CCDC85A: variants seen among roughly 807,000 people sequenced by gnomAD.
CCDC85A encodes coiled-coil domain containing 85A, also known as coiled-coil domain-containing protein 85A.
In CCDC85A, 38 loss-of-function variants were observed where a neutral mutation model predicts 50.2. The observed-to-expected ratio is 0.76, with a 90% CI of 0.58 to 0.99. The LOEUF (loss-of-function observed/expected upper bound fraction) is 0.99, where lower values mean the gene tolerates loss of function less well. Ranked by LOEUF, CCDC85A falls within the 50% of genes least tolerant of loss-of-function variation. CCDC85A has a pLI of 0.00. For missense variants in CCDC85A, 820 were observed against 742.0 expected, an observed-to-expected ratio of 1.11 and a Z score of -1.22; for synonymous variants, 366 against 301.4, an observed-to-expected ratio of 1.21 and a Z score of -2.22.
At chr2:56,202,480 G>A (rs1676786492) in intron 2 of CCDC85A, among the ~76,000 whole-genome samples, 1 of 152,142 alleles carries the variant, frequency 6.6e-6, no homozygotes, top group South Asian at 2.1e-4. Flanking sequence ...ATAGCCACTT[G>A]CATTCACAGC....
At chr2:56,371,438 T>G (rs1001143555) in intron 3 of CCDC85A, among the ~76,000 whole-genome samples, 2 of 152,146 alleles carry the variant, frequency 1.3e-5, no homozygotes, top group Non-Finnish European at 2.9e-5. Flanking sequence ...ATTTTCAGTC[T>G]TCTAAAGTCA....
At chr2:56,301,119 T>C (rs1398083270) in intron 2 of CCDC85A, among the ~76,000 whole-genome samples, 1 of 152,224 alleles carries the variant, frequency 6.6e-6, no homozygotes, top group African/African-American at 2.4e-5. Flanking sequence ...TTCTAGGTTT[T>C]GGATGCTTTT....
chr2:56,375,855 A>G lies in CCDC85A; in HGVS notation c.1492A>G (p.Ser498Gly). 1 of 1,613,792 alleles carries G rather than the reference A, an allele frequency of 6.2e-7. No homozygotes were observed. The highest frequency in any genetic ancestry group is 8.5e-7 in the Non-Finnish European group (1 of 1,179,782). Residue 498 changes from serine (S) to glycine (G), a missense_variant, in exon 5 of 6, where the codon AGT (serine) becomes GGT (glycine). By Grantham distance (56) the Ser-to-Gly change is moderately conservative (BLOSUM62 0). Coordinates refer to ENST00000407595, the MANE Select transcript of CCDC85A (RefSeq NM_001080433.2). The stretch of plus-strand genomic sequence containing the variant: ...GTCATCAGGGGCTGATGGGAGTAAC[A>G]GTTCACCCAACTCTGCAGCTAGCTT... ...RLSSGADGSN[S>G]SPNSAASFSG...
intron 2 of CCDC85A, among the ~76,000 whole-genome samples, chr2:56,217,062 G>A (rs1274884047): frequency 6.6e-6 from 1 of 151,850 alleles, no homozygotes; most frequent in East Asian, 1.9e-4. Flanking sequence ...GTAATCTCAT[G>A]GTCTTGCTGC....
At chr2:56,204,788 T>C (rs1478610167) in intron 2 of CCDC85A, among the ~76,000 whole-genome samples, 1 of 152,200 alleles carries the variant, frequency 6.6e-6, no homozygotes, top group Non-Finnish European at 1.5e-5. Context: ...CTACCTTCTC[T>C]CTGCACTCCT....
intron 3 of CCDC85A, among the ~76,000 whole-genome samples, chr2:56,351,357 G>T (rs1294873870): frequency 2.7e-5 from 4 of 149,318 alleles, no homozygotes; most frequent in South Asian, 2.1e-4. Flanking sequence ...AGTCCTTTGG[G>T]TATATACCCA....
intron 2 of CCDC85A, among the ~76,000 whole-genome samples, chr2:56,297,742 G>T (rs956888449): frequency 6.6e-6 from 1 of 152,180 alleles, no homozygotes; most frequent in Admixed American, 6.6e-5. Context: ...AGAGCTTGCC[G>T]TGTGAGGTGA....
At chr2:56,319,716 G>A (rs1283087090) in intron 2 of CCDC85A, among the ~76,000 whole-genome samples, 1 of 152,092 alleles carries the variant, frequency 6.6e-6, no homozygotes, top group Non-Finnish European at 1.5e-5. Context: ...AGTTTCAGCA[G>A]TTGAAGTCAA....
intron 2 of CCDC85A, among the ~76,000 whole-genome samples, chr2:56,239,300 A>T (rs1669154134): frequency 6.6e-6 from 1 of 152,106 alleles, no homozygotes; most frequent in Non-Finnish European, 1.5e-5. Context: ...AGTGGTGGGC[A>T]GGAAAGAGAC....
intron 3 of CCDC85A, among the ~76,000 whole-genome samples, chr2:56,351,508 C>T (rs1376898879): frequency 7.0e-6 from 1 of 142,088 alleles, no homozygotes; most frequent in Non-Finnish European, 1.5e-5. Flanking sequence ...TCCTCTCCAG[C>T]ACTTGTTGTC....
At chr2:56,297,594 G>A (rs188825545) in intron 2 of CCDC85A, among the ~76,000 whole-genome samples, 31 of 152,192 alleles carry the variant, frequency 2.0e-4, no homozygotes, top group African/African-American at 7.0e-4. Flanking sequence ...CATGGAAAGC[G>A]GCCCCTCATT....
At chr2:56,367,810 C>T (rs1213341331) in intron 3 of CCDC85A, among the ~76,000 whole-genome samples, 4 of 152,104 alleles carry the variant, frequency 2.6e-5, no homozygotes, top group Admixed American at 2.6e-4. Flanking sequence ...ATGATAAGGA[C>T]AGCAAATGCT....
At chr2:56,201,077 C>T (rs200821790) in intron 2 of CCDC85A, among the ~76,000 whole-genome samples, 13 of 7,836 alleles carry the variant, frequency 1.7e-3, no homozygotes, top group African/African-American at 6.3e-3. Flanking sequence ...CATCTCTCTC[C>T]ACACACACAC....
intron 3 of CCDC85A, among the ~76,000 whole-genome samples, chr2:56,348,539 T>G (rs1161481585): frequency 6.6e-6 from 1 of 152,198 alleles, no homozygotes; most frequent in Non-Finnish European, 1.5e-5. Flanking sequence ...GGCCTTGCAA[T>G]GCAGTCTTTC....
intron 4 of CCDC85A, among the ~76,000 whole-genome samples, chr2:56,374,233 G>A (rs562631945): frequency 3.9e-5 from 6 of 152,246 alleles, no homozygotes; most frequent in South Asian, 2.1e-4. Flanking sequence ...TGGCCAGTGA[G>A]GCTGGGTGCA....
Position 56,184,719 on chromosome 2 carries a change from C to G in CCDC85A, c.95C>G (p.Pro32Arg). 2.0e-6 allele frequency: 3 copies of G among 1,530,928 alleles called. No individual in the cohort carries two copies. Among genetic ancestry groups the G allele is most frequent in the Non-Finnish European group, 2.6e-6 (3 of 1,141,840 alleles). The allele number at this position is 1,530,928 out of a possible 1,614,324, so 94.8% of individuals were successfully genotyped here. Residue 32 changes from proline to arginine, a missense_variant, in exon 1 of 6, where the codon CCG becomes CGG. Coordinates refer to ENST00000407595, the MANE Select transcript of CCDC85A (RefSeq NM_001080433.2). ...GGCTCGTCCGCGGCCCCGCCCGCGC[C>G]GGTGGAGGACCTGTCCAAAGTGTCG... ...PAGSSAAPPA[P>R]VEDLSKVSDE...
At chr2:56,312,073 C>A (rs570817503) in intron 2 of CCDC85A, among the ~76,000 whole-genome samples, 6 of 152,226 alleles carry the variant, frequency 3.9e-5, no homozygotes, top group South Asian at 4.1e-4. Context: ...TGGGCATCTG[C>A]TTTTCTATCT....
chr2:56,279,484 T>C (rs1671109541), intron 2 of CCDC85A, among the ~76,000 whole-genome samples: 1 of 152,180 alleles, frequency 6.6e-6, no homozygotes, highest in African/African-American at 2.4e-5. Context: ...CTCTACTTTC[T>C]GTCTCTATAA....
At chr2:56,370,339 T>G (rs910507862) in intron 3 of CCDC85A, among the ~76,000 whole-genome samples, 7 of 152,216 alleles carry the variant, frequency 4.6e-5, no homozygotes, top group African/African-American at 1.4e-4. Flanking sequence ...AAATACCATT[T>G]TGATGTAGTT....
Sources: allele counts gnomAD v4.1 joint callset (sites outside exome capture counted in the v4.1 genomes callset), GRCh38; gene constraint gnomAD v4.1.1; transcripts MANE v1.5; gene names NCBI Gene and HGNC (gene_info 2026-07-23, HGNC 2026-07-21).